PPFIA1: variants seen among roughly 807,000 people sequenced by gnomAD.
PPFIA1 encodes PPFI scaffold protein A1.
A neutral mutation model predicts 149.9 loss-of-function variants in PPFIA1; 25 were observed. The observed-to-expected ratio is 0.17, with a 90% confidence interval of 0.12 to 0.23. The LOEUF is 0.23. Ranked by LOEUF, PPFIA1 falls within the 10% of genes least tolerant of loss-of-function variation. PPFIA1 has a pLI of 1.00. For missense variants in PPFIA1, 1,362 were observed against 1,506.5 expected, an observed-to-expected ratio of 0.90 and a Z score of 1.59; for synonymous variants, 549 against 552.8, an observed-to-expected ratio of 0.99 and a Z score of 0.10.
intron 16 of PPFIA1, among the ~76,000 whole-genome samples, chr11:70,350,392 A>T (rs1179287028): frequency 1.3e-5 from 2 of 152,210 alleles, no homozygotes; most frequent in East Asian, 3.8e-4. Context: ...CTAATAGGTT[A>T]TTTTTAAATT....
At chr11:70,302,190 T>C (rs1465488912) in intron 2 of PPFIA1, among the ~76,000 whole-genome samples, 2 of 152,194 alleles carry the variant, frequency 1.3e-5, no homozygotes, top group Non-Finnish European at 2.9e-5. Flanking sequence ...TGAGGTCCCA[T>C]TCAGCATCAA....
At chr11:70,337,305 A>G in intron 11 of PPFIA1, 60 bp from the exon 12 acceptor site, 6 of 1,166,092 alleles carry the variant, frequency 5.1e-6, no homozygotes. Context: ...GAATACAGCC[A>G]TGCTATATTT....
At chr11:70,357,586 A>G (rs1341518938) in intron 19 of PPFIA1, among the ~76,000 whole-genome samples, 1 of 146,192 alleles carries the variant, frequency 6.8e-6, no homozygotes, top group Non-Finnish European at 1.5e-5. Flanking sequence ...ACTGTGTAAG[A>G]ATTTTTTTTT....
At chr11:70,337,795 A>T (rs1479779275) in intron 12 of PPFIA1, among the ~76,000 whole-genome samples, 1 of 152,260 alleles carries the variant, frequency 6.6e-6, no homozygotes, top group Non-Finnish European at 1.5e-5. Flanking sequence ...AATTCAGTAT[A>T]TGCAAAATGT....
At position 70,285,075 on chromosome 11, in the gene PPFIA1, C is replaced by T. The variant is rs546415109; in HGVS notation, c.264+12639C>T. 2.6e-5 allele frequency among the ~76,000 whole-genome samples: 4 copies of T among 152,164 alleles called. No homozygotes were observed. The East Asian group carries it at 7.8e-4, about 30-fold the overall frequency. ...AAGCTGTAGTGCACTGGCATGATCTCGGCTCACTGCAACCTCTGCCTCACA... is the reference window on the plus strand; with the variant it reads ...AAGCTGTAGTGCACTGGCATGATCTTGGCTCACTGCAACCTCTGCCTCACA... On this transcript the variant is annotated intron_variant, in intron 2 of 27. Coordinates refer to ENST00000253925, the MANE Select transcript of PPFIA1 (RefSeq NM_003626.5).
Position 70,343,726 on chromosome 11 carries a change from A to G in PPFIA1, c.1765A>G (p.Asn589Asp). 6.2e-7 allele frequency: 1 copy of G among 1,614,236 alleles called. No homozygotes were observed. ...TGCCCAGCAAGCTAGTGTCTTGGCA[A>G]ATGTAGCACAAGCATTCGAGAGTGA... Reference protein sequence around the residue: ...ERAQQASVLANVAQAFESDAD... With the variant: ...ERAQQASVLADVAQAFESDAD... The change falls in exon 15 of 28, where the codon AAT becomes GAT. Residue 589 changes from asparagine (N) to aspartate (D), a missense_variant. Transcript: ENST00000253925.
intron 2 of PPFIA1, among the ~76,000 whole-genome samples, chr11:70,322,803 T>C (rs1201581679): frequency 6.6e-6 from 1 of 152,208 alleles, no homozygotes. Flanking sequence ...TAGATTCATG[T>C]AGTGGAATGT....
chr11:70,271,236 C>G (rs1266059585), intron 1 of PPFIA1: 2 of 152,308 alleles, frequency 1.3e-5, no homozygotes, highest in African/African-American at 2.4e-5. Flanking sequence ...GTCCTCACCC[C>G]CCGGGGTTCG....
intron 2 of PPFIA1, among the ~76,000 whole-genome samples, chr11:70,310,813 T>C: frequency 6.6e-6 from 1 of 152,238 alleles, no homozygotes; most frequent in East Asian, 1.9e-4. Context: ...TAACGGAGAC[T>C]GAACGAGTTC....
rs2056309845 is a variant in PPFIA1 at position 70,355,458 on chromosome 11, C to T, written c.2316-181C>T. ...AGCTCCATGTCAGAGAGAGTCTCAG[C>T]TGCCCAGAATGGGTCTCCGCGCTGG... On this transcript the variant is annotated intron_variant, in intron 17 of 27. Transcript: ENST00000253925. 2.0e-5 allele frequency among the ~76,000 whole-genome samples: 3 copies of T among 152,154 alleles called. No homozygotes were observed. In the South Asian group the frequency reaches 6.2e-4, roughly 32 times the overall value.
At chr11:70,309,917 TTAGA>T (rs1402834243) in intron 2 of PPFIA1, among the ~76,000 whole-genome samples, 2 of 152,116 alleles carry the variant, frequency 1.3e-5, no homozygotes, top group Non-Finnish European at 2.9e-5. Context: ...ATGTTTTGAA[TTAGA>T]TAGTGGTAAT....
chr11:70,300,535 A>ATT (rs199605338), intron 2 of PPFIA1, among the ~76,000 whole-genome samples: 54 of 131,304 alleles, frequency 4.1e-4, no homozygotes, highest in African/African-American at 5.6e-4. Context: ...TGCCCACCTA[A>ATT]TTTTTTTTTT....
chr11:70,310,381 T>C (rs562128708), intron 2 of PPFIA1, among the ~76,000 whole-genome samples: 1 of 149,018 alleles, frequency 6.7e-6, no homozygotes, highest in East Asian at 2.0e-4. Flanking sequence ...ATTTCATCCA[T>C]GTACTTTTTT....
intron 2 of PPFIA1, among the ~76,000 whole-genome samples, chr11:70,301,739 C>T (rs2052496761): frequency 6.6e-6 from 1 of 152,016 alleles, no homozygotes; most frequent in African/African-American, 2.4e-5. Context: ...TAATAAAGGA[C>T]CTTCGTTTAC....
intron 21 of PPFIA1, chr11:70,363,428 AGTAGCATC>A (rs1308988314): frequency 2.0e-5 from 3 of 152,194 alleles, no homozygotes; most frequent in Non-Finnish European, 4.4e-5. Context: ...TCCATGTGTA[AGTAGCATC>A]TTGAGTAAAA....
intron 16 of PPFIA1, chr11:70,350,856 C>A: frequency 3.8e-6 from 1 of 263,884 alleles, no homozygotes; most frequent in Non-Finnish European, 6.1e-6. Flanking sequence ...GGTTCTGTAT[C>A]CAGTTACATT....
chr11:70,369,589 T>A (rs1196347802), intron 21 of PPFIA1, among the ~76,000 whole-genome samples: 1 of 152,184 alleles, frequency 6.6e-6, no homozygotes, highest in Non-Finnish European at 1.5e-5. Context: ...AGTGAAGCTA[T>A]CTTGGGTAGA....
chr11:70,372,443 C>T (rs771144112), intron 22 of PPFIA1, 34 bp from the exon 23 acceptor site: 4 of 1,611,858 alleles, frequency 2.5e-6, no homozygotes, highest in Non-Finnish European at 3.4e-6. Context: ...TCACTGTTAC[C>T]ATCTCTAAAT....
At chr11:70,373,799 TGAAGG>T (rs1301970702) in intron 23 of PPFIA1, 1 of 152,186 alleles carries the variant, frequency 6.6e-6, no homozygotes, top group African/African-American at 2.4e-5. Flanking sequence ...ATGGCCCAGT[TGAAGG>T]GAAGTCTACT....
Sources: allele counts gnomAD v4.1 joint callset (sites outside exome capture counted in the v4.1 genomes callset), GRCh38; gene constraint gnomAD v4.1.1; transcripts MANE v1.5; gene names NCBI Gene and HGNC (gene_info 2026-07-23, HGNC 2026-07-21).